Variants in DNAJC10 observed in about 807,000 individuals in gnomAD.
DNAJC10 encodes the protein DnaJ heat shock protein family (Hsp40) member C10, also known as endoplasmic reticulum disulfide reductase DNAJC10.
Under a neutral mutation model 115.0 loss-of-function variants are expected in DNAJC10, and 101 were observed. The ratio of observed to expected loss-of-function variants is 0.88; its 90% confidence interval spans 0.75 to 1.04. The LOEUF (loss-of-function observed/expected upper bound fraction) is 1.04, where lower values mean the gene tolerates loss of function less well. Ranked by LOEUF, DNAJC10 falls within the 50% of genes least tolerant of loss-of-function variation. The probability of loss-of-function intolerance (pLI) is 0.00; values close to 1 mark genes in which losing one functional copy is unlikely to be tolerated. For synonymous variants in DNAJC10, 307 were observed against 301.5 expected, an observed-to-expected ratio of 1.02 and a Z score of -0.19; for missense variants, 981 against 928.8, an observed-to-expected ratio of 1.06 and a Z score of -0.73.
chr2:182,719,255 T>C (rs1029077497), intron 3 of DNAJC10, among the ~76,000 whole-genome samples: 2 of 142,064 alleles, frequency 1.4e-5, no homozygotes, highest in Non-Finnish European at 3.0e-5. Flanking sequence ...GTTTTCTTTT[T>C]TTTTTTTTTT....
Position 182,718,128 on chromosome 2 carries a change from G to C in DNAJC10, c.42G>C (p.Leu14Phe). 4 of 1,612,534 alleles carry C rather than the reference G, an allele frequency of 2.5e-6. No individual in the cohort carries two copies. Among genetic ancestry groups the C allele is most frequent in the Non-Finnish European group, 2.5e-6 (3 of 1,179,444 alleles). Residue 14 changes from leucine (L) to phenylalanine (F), a missense_variant, in exon 3 of 24, where the codon TTG becomes TTC. Coordinates refer to ENST00000264065, the MANE Select transcript of DNAJC10 (RefSeq NM_018981.4). Reference protein sequence around the residue: ...WLNKDDYIRDLKRIILCFLIV... With the variant: ...WLNKDDYIRDFKRIILCFLIV... ...ATAAAGATGACTATATCAGAGACTT[G>C]AAAAGGATCATTCTCTGTTTTCTGA...
chr2:182,736,523 A>C (rs1025808647), intron 11 of DNAJC10, 137 bp downstream of exon 11: 77 of 496,152 alleles, frequency 1.6e-4, no homozygotes, highest in Non-Finnish European at 6.4e-6. Context: ...TTTAGAACAC[A>C]TACTTAATTT....
chr2:182,769,491 T>C (rs1363976983), intron 22 of DNAJC10, among the ~76,000 whole-genome samples: 3 of 152,166 alleles, frequency 2.0e-5, no homozygotes, highest in Non-Finnish European at 4.4e-5. Context: ...GCATCTGTTG[T>C]TTCCTGACTT....
chr2:182,725,947 G>A (rs1211442234), intron 5 of DNAJC10, among the ~76,000 whole-genome samples: 1 of 152,094 alleles, frequency 6.6e-6, no homozygotes, highest in Non-Finnish European at 1.5e-5. Flanking sequence ...TCAACTTCAA[G>A]TCATATTATC....
intron 14 of DNAJC10, among the ~76,000 whole-genome samples, 173 bp downstream of exon 14, chr2:182,743,885 CCTTCTTTTTAACATGAATGCCTTTTCT>C (rs2105651353): frequency 6.6e-6 from 1 of 152,090 alleles, no homozygotes; most frequent in African/African-American, 2.4e-5. Context: ...TTCTCTTTAC[CCTTCTTTTTAACATGAATGCCTTTTCT>C]CTATTCAGTA....
chr2:182,774,768 C>G (rs1694659415), intron 22 of DNAJC10, among the ~76,000 whole-genome samples: 1 of 152,208 alleles, frequency 6.6e-6, no homozygotes, highest in Non-Finnish European at 1.5e-5. Context: ...TTTCCCTTGG[C>G]TAGGAAAGGG....
chr2:182,761,580 A>G (rs960357929), intron 21 of DNAJC10, among the ~76,000 whole-genome samples: 2 of 152,102 alleles, frequency 1.3e-5, no homozygotes, highest in Non-Finnish European at 1.5e-5. Flanking sequence ...CAAAAGACAG[A>G]TAAGAATAAA....
chr2:182,756,532 T>C (rs1694160871), intron 18 of DNAJC10, 63 bp downstream of exon 18: 1 of 1,498,946 alleles, frequency 6.7e-7, no homozygotes, highest in East Asian at 2.4e-5. Context: ...TTAACAGAAT[T>C]ATTTTGAAAC....
At chr2:182,764,374 A>G (rs1559023352) in intron 22 of DNAJC10, among the ~76,000 whole-genome samples, 1 of 152,126 alleles carries the variant, frequency 6.6e-6, no homozygotes, top group Non-Finnish European at 1.5e-5. Flanking sequence ...AGTTGCTAAT[A>G]TAATAATAGC....
chr2:182,785,901 C>CT lies in DNAJC10; in HGVS notation c.*8776dup, dbSNP rs1319477880. ...GGGATGTTGTTGCATATTCTAATGA[C>CT]TTTTTTTAATAATGAAAATGTTTGG... On this transcript the variant is annotated 3_prime_UTR_variant, in exon 24 of 24. Coordinates refer to ENST00000264065, the MANE Select transcript of DNAJC10 (RefSeq NM_018981.4). 1.3e-5 allele frequency: 2 copies of CT among 151,816 alleles called. No homozygotes were observed. Among genetic ancestry groups the CT allele is most frequent in the Non-Finnish European group, 2.9e-5 (2 of 67,968 alleles). 9.4% of individuals were successfully genotyped at this position (151,816 alleles called of 1,614,324 possible).
At chr2:182,741,585 A>C (rs1693737798) in intron 13 of DNAJC10, among the ~76,000 whole-genome samples, 1 of 152,132 alleles carries the variant, frequency 6.6e-6, no homozygotes, top group African/African-American at 2.4e-5. Context: ...AACCTGTATC[A>C]TACAATTTTT....
intron 22 of DNAJC10, among the ~76,000 whole-genome samples, chr2:182,768,889 A>G (rs1477678189): frequency 6.6e-6 from 1 of 152,170 alleles, no homozygotes; most frequent in East Asian, 1.9e-4. Flanking sequence ...GGTTTGATAC[A>G]TAGGTATACA....
intron 23 of DNAJC10, among the ~76,000 whole-genome samples, chr2:182,776,130 C>T (rs1192395860): frequency 6.6e-6 from 1 of 151,224 alleles, no homozygotes; most frequent in Non-Finnish European, 1.5e-5. Flanking sequence ...TATATCTCAA[C>T]AAAGCCATTA....
At chr2:182,776,826 G>A (rs932218552) in intron 23 of DNAJC10, among the ~76,000 whole-genome samples, 74 of 152,100 alleles carry the variant, frequency 4.9e-4, no homozygotes, top group Admixed American at 1.8e-3. Context: ...TTTAAAAATT[G>A]TCATAATCTA....
At chr2:182,763,459 C>T (rs1047011274) in intron 22 of DNAJC10, among the ~76,000 whole-genome samples, 2 of 152,056 alleles carry the variant, frequency 1.3e-5, no homozygotes, top group Non-Finnish European at 1.5e-5. Context: ...AGCATTCATC[C>T]GCACAGTATT....
chr2:182,773,440 A>T (rs1694619373), intron 22 of DNAJC10, among the ~76,000 whole-genome samples: 1 of 152,074 alleles, frequency 6.6e-6, no homozygotes, highest in African/African-American at 2.4e-5. Context: ...ACTTGGTTCC[A>T]TTCTCCCCAT....
At chr2:182,758,295 C>G in intron 19 of DNAJC10, among the ~76,000 whole-genome samples, 1 of 152,146 alleles carries the variant, frequency 6.6e-6, no homozygotes, top group East Asian at 1.9e-4. Context: ...AGGTTTGAAC[C>G]CAAGTCTGTC....
At chr2:182,752,276 A>G (rs2105669414) in intron 16 of DNAJC10, 88 bp downstream of exon 16, 3 of 593,978 alleles carry the variant, frequency 5.1e-6, no homozygotes, top group South Asian at 7.7e-5. Context: ...AAAATAACTT[A>G]GAAATAATAC....
At chr2:182,769,813 C>G (rs1694512987) in intron 22 of DNAJC10, among the ~76,000 whole-genome samples, 1 of 152,096 alleles carries the variant, frequency 6.6e-6, no homozygotes, top group African/African-American at 2.4e-5. Flanking sequence ...TGCAGAAGCT[C>G]TTTAGTTTAA....
Sources: gnomAD v4.1 joint callset for allele counts (sites outside exome capture counted in the v4.1 genomes callset) on GRCh38, gnomAD v4.1.1 for gene constraint, MANE v1.5 for transcripts, NCBI Gene and HGNC (gene_info 2026-07-23, HGNC 2026-07-21) for gene names.